CWC27: variants seen among roughly 807,000 people sequenced by gnomAD.
CWC27 encodes CWC27 spliceosome associated cyclophilin, also known as spliceosome-associated protein CWC27 homolog.
In CWC27, 47 loss-of-function variants were observed where a neutral mutation model predicts 63.6. The ratio of observed to expected loss-of-function variants is 0.74; its 90% CI spans 0.58 to 0.94. The LOEUF (loss-of-function observed/expected upper bound fraction) is 0.94. CWC27 is among the 40% of genes least tolerant of loss of function. The probability of loss-of-function intolerance (pLI) is 0.00; values close to 1 mark genes in which losing one functional copy is unlikely to be tolerated. For missense variants in CWC27, 495 were observed against 554.3 expected (o/e 0.89, Z 1.07); for synonymous variants, 175 against 179.8 (o/e 0.97, Z 0.22).
intron 13 of CWC27, among the ~76,000 whole-genome samples, chr5:64,998,351 C>G (rs1321808516): frequency 3.3e-5 from 5 of 151,982 alleles, no homozygotes; most frequent in Non-Finnish European, 7.4e-5. Flanking sequence ...TGCTGAAACC[C>G]CAGGGCAGGT....
At chr5:64,890,850 A>C (rs1747214693) in intron 11 of CWC27, among the ~76,000 whole-genome samples, 1 of 152,214 alleles carries the variant, frequency 6.6e-6, no homozygotes, top group African/African-American at 2.4e-5. Flanking sequence ...TTTAATAAAT[A>C]AATAAACAAG....
chr5:64,854,807 T>C (rs1464719319), intron 10 of CWC27, among the ~76,000 whole-genome samples: 1 of 152,234 alleles, frequency 6.6e-6, no homozygotes, highest in Non-Finnish European at 1.5e-5. Context: ...TAAGCCATCA[T>C]GGCTTTAGTA....
intron 10 of CWC27, among the ~76,000 whole-genome samples, chr5:64,867,677 A>G (rs1229592634): frequency 6.6e-6 from 1 of 152,086 alleles, no homozygotes; most frequent in East Asian, 1.9e-4. Flanking sequence ...AATATCAGCC[A>G]TGATATTCCA....
Position 64,993,165 on chromosome 5 carries a change from C to T in CWC27, c.1256+15927C>T, listed in dbSNP as rs1561182437. 2.6e-5 allele frequency among the ~76,000 whole-genome samples: 4 copies of T among 152,158 alleles called. No individual in the cohort carries two copies. In the South Asian group the frequency reaches 6.2e-4, roughly 24 times the overall value. ...GGAAAGCACTCAGTATAGTGCCTGA[C>T]CCTTAGAGAGTGCTCAGGAAATAGT... On this transcript the variant is annotated intron_variant, in intron 13 of 13. Coordinates refer to ENST00000381070, the MANE Select transcript of CWC27 (RefSeq NM_005869.4).
chr5:64,983,948 C>T (rs1034626762), intron 13 of CWC27, among the ~76,000 whole-genome samples: 1 of 152,138 alleles, frequency 6.6e-6, no homozygotes, highest in Admixed American at 6.5e-5. Context: ...TCTTGTGCCT[C>T]AGCCTCCCGA....
At chr5:64,952,692 T>A (rs953056578) in intron 11 of CWC27, among the ~76,000 whole-genome samples, 1 of 151,960 alleles carries the variant, frequency 6.6e-6, no homozygotes, top group South Asian at 2.1e-4. Flanking sequence ...AAATAAAAAA[T>A]TTTTATACTA....
Position 64,930,262 on chromosome 5 carries a change from T to C in CWC27, c.1043-41441T>C, listed in dbSNP as rs374852360. ...TGCTAATGGTATTTTTGCTAACAGG[T>C]AGTGTTTTTTTTTAAGGGGTGGTGG... On this transcript the variant is annotated intron_variant, in intron 11 of 13. Coordinates refer to ENST00000381070, the MANE Select transcript of CWC27 (RefSeq NM_005869.4). Among the ~76,000 whole-genome samples, 24 of 152,142 alleles carry C rather than the reference T, an allele frequency of 1.6e-4. 2 individuals carry two copies. In the South Asian group the frequency reaches 3.9e-3, roughly 25 times the overall value.
intron 11 of CWC27, among the ~76,000 whole-genome samples, chr5:64,910,605 C>A (rs1350282586): frequency 6.6e-6 from 1 of 152,206 alleles, no homozygotes; most frequent in Non-Finnish European, 1.5e-5. Context: ...GTGGGCTCCA[C>A]CCAGTTCAAG....
intron 10 of CWC27, among the ~76,000 whole-genome samples, chr5:64,875,107 T>A (rs1017648591): frequency 5.3e-5 from 8 of 152,126 alleles, no homozygotes; most frequent in Non-Finnish European, 1.2e-4. Context: ...ATTGGCACTT[T>A]ATGATTTTGT....
chr5:64,921,890 G>C (rs559996605), intron 11 of CWC27, among the ~76,000 whole-genome samples: 1 of 152,262 alleles, frequency 6.6e-6, no homozygotes, highest in East Asian at 1.9e-4. Context: ...TGTCTGAAAA[G>C]GATTTCATTT....
intron 4 of CWC27, among the ~76,000 whole-genome samples, chr5:64,784,322 A>G (rs1743805329): frequency 6.6e-6 from 1 of 152,152 alleles, no homozygotes; most frequent in Non-Finnish European, 1.5e-5. Flanking sequence ...TTAGTAGTTT[A>G]CAGTTTATTT....
chr5:65,014,706 G>A (rs991803579), intron 13 of CWC27, among the ~76,000 whole-genome samples: 1 of 152,110 alleles, frequency 6.6e-6, no homozygotes, highest in Non-Finnish European at 1.5e-5. Flanking sequence ...ACTGTAAAGT[G>A]CGGGCATGCT....
rs117786552 is a variant in CWC27 at position 64,912,134 on chromosome 5, C to G, written c.1042+26588C>G. ...TAGACAGACCTGTATAGGTATATAG[C>G]TTCAAATAATCTCAGTACCTGAAAT... is the stretch of plus-strand genomic sequence containing the variant. On this transcript the variant is annotated intron_variant, in intron 11 of 13. Transcript: ENST00000381070. 7.3e-4 allele frequency among the ~76,000 whole-genome samples: 110 copies of G among 151,088 alleles called. 3 individuals are homozygous for G. In the East Asian group the frequency reaches 0.021, roughly 29 times the overall value.
At chr5:64,844,984 T>G in intron 10 of CWC27, 1 of 456,720 alleles carries the variant, frequency 2.2e-6, no homozygotes, top group Non-Finnish European at 4.4e-6. Flanking sequence ...AGATCTCAAA[T>G]AGCAGAATTG....
At chr5:64,894,442 A>G (rs551371674) in intron 11 of CWC27, among the ~76,000 whole-genome samples, 1 of 152,302 alleles carries the variant, frequency 6.6e-6, no homozygotes, top group South Asian at 2.1e-4. Context: ...GGTTTTGGCT[A>G]GACTAATTGT....
At position 64,844,484 on chromosome 5, in the gene CWC27, G is replaced by A. The variant is rs1393563464; in HGVS notation, c.938+40098G>A. Among the ~76,000 whole-genome samples, 6 of 152,256 alleles carry A rather than the reference G, an allele frequency of 3.9e-5. No individual in the cohort carries two copies. In the East Asian group the frequency reaches 1.2e-3, roughly 29 times the overall value. The stretch of plus-strand genomic sequence containing the variant: ...CCACCCAGCCTCAGAGCCCACCTCT[G>A]TGACCTGCATATGCAGGGGGATGCC... On this transcript the variant is annotated intron_variant, in intron 10 of 13. Coordinates refer to ENST00000381070, the MANE Select transcript of CWC27 (RefSeq NM_005869.4).
chr5:64,904,626 G>A (rs1005803621), intron 11 of CWC27, among the ~76,000 whole-genome samples: 3 of 152,226 alleles, frequency 2.0e-5, no homozygotes, highest in East Asian at 3.9e-4. Context: ...ATTCTGTAAA[G>A]TGACACATGT....
intron 10 of CWC27, among the ~76,000 whole-genome samples, chr5:64,869,205 G>T (rs1279299984): frequency 6.6e-6 from 1 of 152,010 alleles, no homozygotes; most frequent in East Asian, 1.9e-4. Context: ...AACAGTAGAG[G>T]TATATGTAGG....
intron 1 of CWC27, among the ~76,000 whole-genome samples, chr5:64,772,128 G>A (rs996162424): frequency 1.3e-5 from 2 of 152,138 alleles, no homozygotes; most frequent in African/African-American, 4.8e-5. Context: ...GTAAATGGAA[G>A]GGCCAGTATT....
Sources: gnomAD v4.1 joint callset for allele counts (sites outside exome capture counted in the v4.1 genomes callset) on GRCh38, gnomAD v4.1.1 for gene constraint, MANE v1.5 for transcripts, NCBI Gene and HGNC (gene_info 2026-07-23, HGNC 2026-07-21) for gene names.